HGSNAT: variants seen among roughly 807,000 people sequenced by gnomAD.
HGSNAT encodes transmembrane protein 76.
Under a neutral mutation model 85.2 loss-of-function variants are expected in HGSNAT, and 59 were observed. That is an observed-to-expected ratio of 0.69 (90% CI 0.56 to 0.86). HGSNAT has a LOEUF of 0.86. Ranked by LOEUF, HGSNAT falls within the 40% of genes least tolerant of loss-of-function variation. The pLI, the probability that HGSNAT is intolerant of heterozygous loss-of-function variation, is 0.00. For synonymous variants in HGSNAT, 321 were observed against 304.5 expected, an observed-to-expected ratio of 1.05 and a Z score of -0.56; for missense variants, 756 against 777.1, an observed-to-expected ratio of 0.97 and a Z score of 0.32.
intron 9 of HGSNAT, among the ~76,000 whole-genome samples, chr8:43,175,838 A>T (rs922295341): frequency 3.3e-5 from 5 of 151,626 alleles, no homozygotes; most frequent in African/African-American, 1.2e-4. Flanking sequence ...AAGTGCTAGG[A>T]TTACAGGCGT....
At chr8:43,193,317 TA>T (rs1054235961) in intron 13 of HGSNAT, among the ~76,000 whole-genome samples, 7 of 152,092 alleles carry the variant, frequency 4.6e-5, no homozygotes, top group South Asian at 4.1e-4. Context: ...TATTTTATAA[TA>T]AAAAAAGAAA....
chr8:43,186,086 G>T (rs1384688247), intron 11 of HGSNAT, among the ~76,000 whole-genome samples: 1 of 152,144 alleles, frequency 6.6e-6, no homozygotes, highest in Non-Finnish European at 1.5e-5. Flanking sequence ...CAGGGATATT[G>T]GTCTAAAATT....
chr8:43,192,066 T>C (rs1804551454), intron 12 of HGSNAT, among the ~76,000 whole-genome samples: 1 of 152,108 alleles, frequency 6.6e-6, no homozygotes, highest in Non-Finnish European at 1.5e-5. Context: ...GTAGCTGGGA[T>C]TACAGGCGCA....
chr8:43,178,746 C>A (rs867940422), intron 10 of HGSNAT, among the ~76,000 whole-genome samples: 16 of 149,594 alleles, frequency 1.1e-4, no homozygotes, highest in African/African-American at 1.7e-4. Context: ...GGCAGAGGAC[C>A]CTGCGGCCTT....
At chr8:43,193,485 C>T (rs919719761) in intron 13 of HGSNAT, among the ~76,000 whole-genome samples, 1 of 152,226 alleles carries the variant, frequency 6.6e-6, no homozygotes. Flanking sequence ...CTGGAGCCAG[C>T]GCTGTTTGCT....
At chr8:43,192,780 A>C (rs1804583525) in intron 13 of HGSNAT, among the ~76,000 whole-genome samples, 1 of 148,400 alleles carries the variant, frequency 6.7e-6, no homozygotes, top group East Asian at 2.0e-4. Flanking sequence ...AACAAAAAAC[A>C]AAAAAAAAAG....
chr8:43,159,246 T>C (rs529781148), intron 4 of HGSNAT, among the ~76,000 whole-genome samples: 10 of 152,320 alleles, frequency 6.6e-5, no homozygotes, highest in African/African-American at 2.4e-4. Flanking sequence ...ATTTAAAATA[T>C]GTTTATTGTA....
intron 17 of HGSNAT, among the ~76,000 whole-genome samples, chr8:43,198,280 CTT>C (rs59416007): frequency 0.04 from 3,625 of 89,738 alleles, 32 homozygotes; most frequent in South Asian, 0.067. Context: ...GTTTCTGGTT[CTT>C]TTTTTTTTTT....
rs372240719 is a variant in HGSNAT at position 43,199,513 on chromosome 8, C to G, written c.1852C>G (p.Leu618Val). Residue 618 changes from leucine to valine, a missense_variant, in exon 18 of 18, where the codon CTC (leucine) becomes GTC (valine). Transcript: ENST00000379644. ...HLTQNIVATA[L>V]WVLIAYILYR... ...GACTCAGAACATCGTCGCCACTGCC[C>G]TCTGGGTGCTCATTGCCTACATCCT... 1 of 1,607,806 alleles carries G rather than the reference C, an allele frequency of 6.2e-7. No homozygotes were observed. Among genetic ancestry groups the G allele is most frequent in the Non-Finnish European group, 8.5e-7 (1 of 1,176,966 alleles).
At chr8:43,158,417 A>G (rs531937383) in intron 2 of HGSNAT, among the ~76,000 whole-genome samples, 158 bp from the exon 3 acceptor site, 1 of 152,316 alleles carries the variant, frequency 6.6e-6, no homozygotes, top group South Asian at 2.1e-4. Context: ...TTTTAGTACA[A>G]AATAATAGGT....
chr8:43,184,417 G>A (rs1442398195), intron 11 of HGSNAT, among the ~76,000 whole-genome samples: 1 of 152,096 alleles, frequency 6.6e-6, no homozygotes, highest in African/African-American at 2.4e-5. Flanking sequence ...TGTGTCTGTT[G>A]GCTGCATAAA....
intron 2 of HGSNAT, among the ~76,000 whole-genome samples, chr8:43,154,449 G>A (rs986838274): frequency 6.6e-6 from 1 of 151,340 alleles, no homozygotes; most frequent in Non-Finnish European, 1.5e-5. Context: ...GCGGTGTTTG[G>A]TTTTTTGTCC....
chr8:43,184,596 C>A (rs1199118338), intron 11 of HGSNAT, among the ~76,000 whole-genome samples: 1 of 152,182 alleles, frequency 6.6e-6, no homozygotes, highest in Non-Finnish European at 1.5e-5. Context: ...TGCCTGTTCA[C>A]TCTGATGGTA....
chr8:43,182,622 C>T (rs1033500008), intron 11 of HGSNAT, among the ~76,000 whole-genome samples: 5 of 151,650 alleles, frequency 3.3e-5, no homozygotes, highest in African/African-American at 1.2e-4. Context: ...TTTATTTATT[C>T]TTTTGTAGAG....
At position 43,147,020 on chromosome 8, in the gene HGSNAT, G is replaced by A; in HGVS notation, c.191G>A (p.Trp64Ter). 6.2e-7 allele frequency: 1 copy of A among 1,608,376 alleles called. No individual in the cohort carries two copies. Among genetic ancestry groups the A allele is most frequent in the Non-Finnish European group, 8.5e-7 (1 of 1,178,210 alleles). ...CTACTCATCCATAATGAACTTCTCT[G>A]GACCAACTTGACCGTCTACTGGAAA... is the stretch of plus-strand genomic sequence containing the variant. ...ALLLIHNELL[W>*]TNLTVYWKSE... The change falls in exon 2 of 18, where the codon TGG becomes TAG. Residue 64 changes from tryptophan to a stop codon, truncating the protein, a stop_gained. Coordinates refer to ENST00000379644, the MANE Select transcript of HGSNAT (RefSeq NM_152419.3). LOFTEE classifies it high-confidence loss of function.
At position 43,156,437 on chromosome 8, in the gene HGSNAT, C is replaced by G. The variant is rs572805159; in HGVS notation, c.235-2138C>G. Reference sequence around the variant, plus strand: ...TTTCCTGCCTCAGCCTCCCACGTAACTGGGATTATAGGTGCCCACCACCAT... The same window carrying G: ...TTTCCTGCCTCAGCCTCCCACGTAAGTGGGATTATAGGTGCCCACCACCAT... On this transcript the variant is annotated intron_variant, in intron 2 of 17. Transcript: ENST00000379644. 1.8e-4 allele frequency among the ~76,000 whole-genome samples: 27 copies of G among 152,234 alleles called. No individual in the cohort carries two copies. In the East Asian group the frequency reaches 3.7e-3, roughly 21 times the overall value.
chr8:43,170,654 G>A lies in HGSNAT; in HGVS notation c.703G>A (p.Ala235Thr), dbSNP rs939467064. 1.9e-6 allele frequency: 3 copies of A among 1,608,180 alleles called. No individual in the cohort carries two copies. The highest frequency in any genetic ancestry group is 2.5e-6 in the Non-Finnish European group (3 of 1,177,526). ...DVQPATWRLS[A>T]LPPRLRSVDT... ...TCAGCCAGCAACGTGGCGTCTATCTGCCCTGCCGCCCCGCCTCCGCAGCGT... is the reference window on the plus strand; with the variant it reads ...TCAGCCAGCAACGTGGCGTCTATCTACCCTGCCGCCCCGCCTCCGCAGCGT... The change falls in exon 7 of 18, where the codon GCC (alanine) becomes ACC (threonine). Residue 235 changes from alanine (A) to threonine (T), a missense_variant. Transcript: ENST00000379644.
intron 14 of HGSNAT, among the ~76,000 whole-genome samples, chr8:43,195,437 T>G (rs1436411742): frequency 6.6e-6 from 1 of 151,888 alleles, no homozygotes; most frequent in Non-Finnish European, 1.5e-5. Context: ...TGGATCATCA[T>G]GAAGATCTGC....
intron 10 of HGSNAT, among the ~76,000 whole-genome samples, chr8:43,179,566 G>A (rs1176523397): frequency 4.9e-5 from 6 of 121,904 alleles, no homozygotes; most frequent in African/African-American, 1.0e-4. Flanking sequence ...CGGACGGGGC[G>A]GCTGGCCGGA....
Sources: gnomAD v4.1 joint callset for allele counts (sites outside exome capture counted in the v4.1 genomes callset) on GRCh38, gnomAD v4.1.1 for gene constraint, MANE v1.5 for transcripts, NCBI Gene and HGNC (gene_info 2026-07-23, HGNC 2026-07-21) for gene names.